The following MFSD8 variants were observed in gnomAD, a reference collection of about 807,000 sequenced individuals.
MFSD8 encodes the protein major facilitator superfamily domain-containing protein 8.
In MFSD8, 55 loss-of-function variants were observed where a neutral mutation model predicts 66.4. The ratio of observed to expected loss-of-function variants is 0.83; its 90% CI spans 0.67 to 1.04. The LOEUF is 1.04. Ranked by LOEUF, MFSD8 falls within the 50% of genes least tolerant of loss-of-function variation. MFSD8 has a pLI of 0.00. For synonymous variants in MFSD8, 202 were observed against 212.8 expected (o/e 0.95, Z 0.44); for missense variants, 550 against 627.6 (o/e 0.88, Z 1.32).
At chr4:127,940,538 A>G (rs192942419) in intron 5 of MFSD8, among the ~76,000 whole-genome samples, 6,781 of 140,482 alleles carry the variant, frequency 0.048, 314 homozygotes, top group East Asian at 0.23. Flanking sequence ...ATATATATAT[A>G]TGTGTGTGTG....
At position 127,921,854 on chromosome 4, in the gene MFSD8, C is replaced by T. The variant is rs772154101; in HGVS notation, c.1102+6G>A. On this transcript the variant is annotated splice_donor_region_variant and intron_variant, in intron 10 of 11. Coordinates refer to ENST00000641686, the MANE Select transcript of MFSD8 (RefSeq NM_001371596.2). ...GTTAACATTATAGAATTATGTATGGCTATACCTTCCCACTGTATTTTGGGA... is the reference window on the plus strand; with the variant it reads ...GTTAACATTATAGAATTATGTATGGTTATACCTTCCCACTGTATTTTGGGA... 6.2e-6 allele frequency: 10 copies of T among 1,613,788 alleles called. No homozygotes were observed. The highest frequency in any genetic ancestry group is 2.7e-5 in the African/African-American group (2 of 74,918).
intron 4 of MFSD8, among the ~76,000 whole-genome samples, chr4:127,942,445 A>C (rs896815703): frequency 6.6e-6 from 1 of 152,232 alleles, no homozygotes; most frequent in Non-Finnish European, 1.5e-5. Context: ...CTGTAACCCC[A>C]GCACTTTCAG....
At chr4:127,938,281 C>A (rs550511230) in intron 7 of MFSD8, among the ~76,000 whole-genome samples, 13 of 152,044 alleles carry the variant, frequency 8.6e-5, no homozygotes, top group Middle Eastern at 3.4e-3. Context: ...ACCAAATAAC[C>A]AATATGGGTA....
chr4:127,936,508 T>A (rs1739102209), intron 7 of MFSD8, among the ~76,000 whole-genome samples: 1 of 152,068 alleles, frequency 6.6e-6, no homozygotes, highest in East Asian at 1.9e-4. Flanking sequence ...GGCAGATCAC[T>A]TGAGTCCAGG....
chr4:127,926,724 T>C (rs954166747), intron 9 of MFSD8, among the ~76,000 whole-genome samples: 2 of 152,218 alleles, frequency 1.3e-5, no homozygotes, highest in African/African-American at 4.8e-5. Context: ...CCCATAGCAC[T>C]GAACCTGATA....
In MFSD8 at chr4:127,920,697, G is replaced by A. The variant is rs1337770253; in HGVS notation, c.1490C>T (p.Thr497Ile). 2.5e-6 allele frequency: 4 copies of A among 1,613,996 alleles called. No individual in the cohort carries two copies. In the Admixed American group the frequency reaches 5.0e-5, roughly 20 times the overall value. Residue 497 changes from threonine to isoleucine, a missense_variant, in exon 12 of 12, where the codon ACC becomes ATC. By Grantham distance (89) the Thr-to-Ile change is moderately conservative. Transcript: ENST00000641686. ...TCTTTTGTAAACCACTCCCAGGAGG[G>A]TGATGGTGAGCACTATTATTCCACA... ...LVCGIIVLTI[T>I]LLGVVYKRLI...
Position 127,919,524 on chromosome 4 carries a change from A to G in MFSD8, c.*1106T>C, listed in dbSNP as rs1221388896. The G allele has an allele frequency of 1.3e-5, 2 of 152,236 alleles. No homozygotes were observed. Among genetic ancestry groups the G allele is most frequent in the Non-Finnish European group, 2.9e-5 (2 of 68,042 alleles). 9.4% of individuals were successfully genotyped at this position (152,236 alleles called of 1,614,324 possible). ...ACTTATGTAGAGGTAGAAGTTAAAC[A>G]TACAGTGTTATTTAGCCAACTTCAG... On this transcript the variant is annotated 3_prime_UTR_variant, in exon 12 of 12. Transcript: ENST00000641686.
At position 127,943,936 on chromosome 4, in the gene MFSD8, A is replaced by C; in HGVS notation, c.255T>G (p.Leu85=). 6.2e-7 allele frequency: 1 copy of C among 1,614,212 alleles called. No individual in the cohort carries two copies. The highest frequency in any genetic ancestry group is 1.3e-5 in the African/African-American group (1 of 75,062). ...ATATAGGTGAAGCTACCATTTGGCC[A>C]AGACTATATGAAGCAATAACCCAGC... ...FLGWVIASYS[L]GQMVASPIFG... is the part of the protein sequence containing the mutation. Residue 85 remains leucine (L), a synonymous_variant, in exon 4 of 12, where the codon CTT becomes CTG. Transcript: ENST00000641686.
At chr4:127,921,196 T>C (rs1351957695) in intron 11 of MFSD8, 15 of 579,614 alleles carry the variant, frequency 2.6e-5, no homozygotes, top group Non-Finnish European at 4.3e-5. Context: ...ACAGGTGTTA[T>C]GCCTGTTTAA....
chr4:127,947,863 A>AAAACAC (rs1741317849), intron 3 of MFSD8, among the ~76,000 whole-genome samples: 1 of 141,098 alleles, frequency 7.1e-6, no homozygotes, highest in Non-Finnish European at 1.5e-5. Flanking sequence ...TGCACGTGTG[A>AAAACAC]ACACACACAC....
chr4:127,920,944 G>T, intron 11 of MFSD8, 108 bp from the exon 12 acceptor site: 1 of 1,031,408 alleles, frequency 9.7e-7, no homozygotes, highest in Non-Finnish European at 1.4e-6. Context: ...AATCATTTCT[G>T]CATCTTTTAC....
In MFSD8 at chr4:127,918,476, A is replaced by C. The variant is rs183601926; in HGVS notation, c.*2154T>G. The C allele has an allele frequency of 1.1e-3, 168 of 152,322 alleles. 2 individuals are homozygous for C. The highest frequency in any genetic ancestry group is 3.7e-3 in the African/African-American group (155 of 41,586). The allele number at this position is 152,322 out of a possible 1,614,324, so 9.4% of individuals were successfully genotyped here. On this transcript the variant is annotated 3_prime_UTR_variant, in exon 12 of 12. Transcript: ENST00000641686. ...ATATTATAAACCTTTGAAAGCTGGG[A>C]AACTTTTTTCTGTTATATTCTTGCT...
rs1187159401 is a variant in MFSD8 at position 127,938,589 on chromosome 4, AAAAAAAT to A, written c.754+187_754+193del. Among the ~76,000 whole-genome samples the A allele has an allele frequency of 1.2e-3, 159 of 137,296 alleles. 1 individual carries two copies. Among genetic ancestry groups the A allele is most frequent in the African/African-American group, 4.8e-3 (156 of 32,358 alleles). The allele number at this position is 137,296 out of a possible 152,430, so 90.1% of individuals were successfully genotyped here. On this transcript the variant is annotated intron_variant, in intron 7 of 11. Coordinates refer to ENST00000641686, the MANE Select transcript of MFSD8 (RefSeq NM_001371596.2). ...CAGAGCGAAACTCTGTCTCAAAAAAAAAAAAATAAATAAATAAATAAATAAATAAATA... is the reference window on the plus strand; with the variant it reads ...CAGAGCGAAACTCTGTCTCAAAAAAAAAATAAATAAATAAATAAATAAATA...
At chr4:127,953,543 GTTTTTTTT>G (rs952826538) in intron 2 of MFSD8, among the ~76,000 whole-genome samples, 1 of 67,044 alleles carries the variant, frequency 1.5e-5, no homozygotes, top group Non-Finnish European at 2.9e-5. Context: ...AAGGCATTCT[GTTTTTTTT>G]TTTTTTTTTT....
chr4:127,933,850 A>G (rs1387686868), intron 7 of MFSD8: 1 of 152,232 alleles, frequency 6.6e-6, no homozygotes, highest in African/African-American at 2.4e-5. Flanking sequence ...TCCCAGTTCT[A>G]TGATTTACTA....
At chr4:127,934,406 GAAC>G (rs896756617) in intron 7 of MFSD8, among the ~76,000 whole-genome samples, 2 of 151,988 alleles carry the variant, frequency 1.3e-5, no homozygotes, top group Non-Finnish European at 2.9e-5. Flanking sequence ...TTCTCATCTT[GAAC>G]AACGCCTTAA....
chr4:127,952,541 G>A (rs1742166432), intron 2 of MFSD8, among the ~76,000 whole-genome samples: 1 of 151,914 alleles, frequency 6.6e-6, no homozygotes. Context: ...TTGGAGTACA[G>A]AAATTTGTAA....
At chr4:127,949,617 T>C (rs1741611770) in intron 3 of MFSD8, among the ~76,000 whole-genome samples, 187 bp downstream of exon 3, 1 of 152,160 alleles carries the variant, frequency 6.6e-6, no homozygotes, top group Non-Finnish European at 1.5e-5. Flanking sequence ...ACTACAAAAG[T>C]GTTCTGGCTT....
chr4:127,928,921 A>G (rs893512616), intron 9 of MFSD8, among the ~76,000 whole-genome samples: 1 of 152,148 alleles, frequency 6.6e-6, no homozygotes, highest in Non-Finnish European at 1.5e-5. Context: ...ATGAAATGCC[A>G]TCATTTGGGG....
Sources: allele counts gnomAD v4.1 joint callset (sites outside exome capture counted in the v4.1 genomes callset), GRCh38; gene constraint gnomAD v4.1.1; transcripts MANE v1.5; gene names NCBI Gene and HGNC (gene_info 2026-07-23, HGNC 2026-07-21).